Variants in SEMA6D observed in about 807,000 individuals in gnomAD.
The protein encoded by SEMA6D is semaphorin-6D.
SEMA6D carries 35 observed loss-of-function variants against 106.6 expected under a neutral mutation model. That is an observed-to-expected ratio of 0.33 (90% CI 0.25 to 0.44). SEMA6D has a LOEUF of 0.44. SEMA6D is among the 20% of genes least tolerant of loss of function. SEMA6D has a pLI of 1.00. For missense variants in SEMA6D, 1,185 were observed against 1,345.9 expected (o/e 0.88, Z 1.87); for synonymous variants, 499 against 487.7 (o/e 1.02, Z -0.31).
chr15:47,204,573 T>C (rs1894932016), intron 1 of SEMA6D, among the ~76,000 whole-genome samples: 1 of 152,102 alleles, frequency 6.6e-6, no homozygotes, highest in South Asian at 2.1e-4. Flanking sequence ...TGGACCTTTC[T>C]CTGGAGTTAG....
At chr15:47,578,327 CTTG>C (rs2076192578) in intron 3 of SEMA6D, among the ~76,000 whole-genome samples, 2 of 152,326 alleles carry the variant, frequency 1.3e-5, no homozygotes, top group Non-Finnish European at 1.5e-5. Context: ...AAAGTTTACC[CTTG>C]TTCTGATCAT....
chr15:47,585,395 G>A (rs1047528986), intron 3 of SEMA6D, among the ~76,000 whole-genome samples: 1 of 152,016 alleles, frequency 6.6e-6, no homozygotes, highest in African/African-American at 2.4e-5. Flanking sequence ...TCTGTAAATC[G>A]GATTTGTCAG....
chr15:47,551,182 C>G (rs1266174249), intron 3 of SEMA6D, among the ~76,000 whole-genome samples: 1 of 152,126 alleles, frequency 6.6e-6, no homozygotes, highest in Non-Finnish European at 1.5e-5. Context: ...GTTGCTGGCT[C>G]TGATCCATTC....
upstream of SEMA6D, among the ~76,000 whole-genome samples, chr15:47,715,686 C>T (rs2079097721): frequency 6.6e-6 from 1 of 152,192 alleles, no homozygotes; most frequent in Non-Finnish European, 1.5e-5. Context: ...GATTTAGGAA[C>T]TCAGTCTAGG....
intron 1 of SEMA6D, among the ~76,000 whole-genome samples, chr15:47,292,614 C>A (rs1157713376): frequency 6.6e-6 from 1 of 152,084 alleles, no homozygotes; most frequent in Non-Finnish European, 1.5e-5. Context: ...GCACACATGG[C>A]AGGGCCAAGG....
At chr15:47,512,924 C>T (rs1043113613) in intron 3 of SEMA6D, among the ~76,000 whole-genome samples, 3 of 152,138 alleles carry the variant, frequency 2.0e-5, no homozygotes, top group Non-Finnish European at 4.4e-5. Context: ...GTGTTCCATG[C>T]AGTGGGGAGA....
At chr15:47,741,905 A>G (rs971949277) in intron 1 of SEMA6D, among the ~76,000 whole-genome samples, 1 of 152,196 alleles carries the variant, frequency 6.6e-6, no homozygotes, top group Non-Finnish European at 1.5e-5. Flanking sequence ...AATTCTACCC[A>G]CTGTGGCAAA....
chr15:47,728,894 C>T (rs1160736385), intron 1 of SEMA6D, among the ~76,000 whole-genome samples: 3 of 152,220 alleles, frequency 2.0e-5, no homozygotes, highest in South Asian at 2.1e-4. Context: ...TGGTTAGCTT[C>T]GGACCACTCA....
At chr15:47,193,296 A>C (rs1042421148) in intron 1 of SEMA6D, among the ~76,000 whole-genome samples, 3 of 152,190 alleles carry the variant, frequency 2.0e-5, no homozygotes, top group African/African-American at 7.2e-5. Flanking sequence ...GAAAATACAA[A>C]ATACGAAATG....
intron 1 of SEMA6D, among the ~76,000 whole-genome samples, chr15:47,391,215 C>T (rs957297708): frequency 7.2e-5 from 11 of 152,208 alleles, no homozygotes; most frequent in African/African-American, 2.7e-4. Context: ...CTCCTTTCCT[C>T]TGCTCTCTGA....
intron 3 of SEMA6D, among the ~76,000 whole-genome samples, chr15:47,551,673 C>CCGTGTGTGTGTGTG (rs143099678): frequency 7.1e-6 from 1 of 141,252 alleles, no homozygotes; most frequent in African/African-American, 2.6e-5. Context: ...ATCTGGGACT[C>CCGTGTGTGTGTGTG]TGTGTGTGTG....
chr15:47,377,839 T>C (rs970022715), intron 1 of SEMA6D, among the ~76,000 whole-genome samples: 1 of 152,232 alleles, frequency 6.6e-6, no homozygotes, highest in Non-Finnish European at 1.5e-5. Flanking sequence ...ATAAAACTAC[T>C]TCTGCATTTC....
chr15:47,766,230 G>C, intron 15 of SEMA6D, 48 bp downstream of exon 15: 1 of 1,511,354 alleles, frequency 6.6e-7, no homozygotes, highest in Non-Finnish European at 9.1e-7. Context: ...CCTCTCCAGG[G>C]TCTCTAAAGC....
chr15:47,580,015 T>C (rs2076227972), intron 3 of SEMA6D, among the ~76,000 whole-genome samples: 1 of 152,208 alleles, frequency 6.6e-6, no homozygotes, highest in Admixed American at 6.5e-5. Context: ...TACGTAGTAG[T>C]GCTAGAAAAT....
intron 1 of SEMA6D, among the ~76,000 whole-genome samples, chr15:47,341,699 G>A (rs1214757212): frequency 2.0e-5 from 3 of 152,154 alleles, no homozygotes; most frequent in African/African-American, 2.4e-5. Flanking sequence ...TCTGTCTGTC[G>A]TGATTCTCAT....
chr15:47,553,637 T>C (rs2045829418), intron 3 of SEMA6D, among the ~76,000 whole-genome samples: 2 of 152,174 alleles, frequency 1.3e-5, no homozygotes, highest in African/African-American at 4.8e-5. Flanking sequence ...GAGGTTTTGT[T>C]TGAAGGTGCA....
chr15:47,740,985 T>G (rs953439991), intron 1 of SEMA6D, among the ~76,000 whole-genome samples: 1 of 152,232 alleles, frequency 6.6e-6, no homozygotes, highest in African/African-American at 2.4e-5. Flanking sequence ...AAACTTTTAC[T>G]TATTTATTTT....
intron 3 of SEMA6D, among the ~76,000 whole-genome samples, chr15:47,482,067 A>G (rs2043168750): frequency 6.6e-6 from 1 of 152,184 alleles, no homozygotes; most frequent in Non-Finnish European, 1.5e-5. Context: ...CTTTGGCTAG[A>G]GCAAGGATTC....
chr15:47,265,747 T>C (rs1314851355), intron 1 of SEMA6D, among the ~76,000 whole-genome samples: 1 of 152,062 alleles, frequency 6.6e-6, no homozygotes, highest in Non-Finnish European at 1.5e-5. Flanking sequence ...GGGGTACCGA[T>C]TTCCCCCACT....
Sources: allele counts gnomAD v4.1 joint callset (sites outside exome capture counted in the v4.1 genomes callset), GRCh38; gene constraint gnomAD v4.1.1; transcripts MANE v1.5; gene names NCBI Gene and HGNC (gene_info 2026-07-23, HGNC 2026-07-21).